The following ASH1L variants were observed in gnomAD, a reference collection of about 807,000 sequenced individuals.
ASH1L encodes the protein ASH1 like histone lysine methyltransferase.
ASH1L carries 23 observed loss-of-function variants against 269.0 expected under a neutral mutation model. That is an observed-to-expected ratio of 0.09 (90% confidence interval 0.06 to 0.12). ASH1L has a LOEUF of 0.12. ASH1L is among the 10% of genes least tolerant of loss of function. The pLI, the probability that ASH1L is intolerant of heterozygous loss-of-function variation, is 1.00. For synonymous variants in ASH1L, 1,187 were observed against 1,253.5 expected, an observed-to-expected ratio of 0.95 and a Z score of 1.12; for missense variants, 2,912 against 3,567.8, an observed-to-expected ratio of 0.82 and a Z score of 4.68.
intron 1 of ASH1L, among the ~76,000 whole-genome samples, chr1:155,544,291 T>C (rs982785841): frequency 3.8e-4 from 53 of 140,116 alleles, no homozygotes; most frequent in African/African-American, 8.8e-4. Flanking sequence ...AGAAACCCCC[T>C]TTTTTTTTTT....
At chr1:155,354,187 G>C (rs1483828488) in intron 16 of ASH1L, among the ~76,000 whole-genome samples, 2 of 152,246 alleles carry the variant, frequency 1.3e-5, no homozygotes, top group African/African-American at 4.8e-5. Context: ...CCAACACTTT[G>C]GGAGGCCAAG....
intron 25 of ASH1L, among the ~76,000 whole-genome samples, chr1:155,339,804 T>C (rs1652618601): frequency 6.6e-6 from 1 of 152,234 alleles, no homozygotes; most frequent in South Asian, 2.1e-4. Context: ...AGCACAATAC[T>C]GTACTGAATA....
At chr1:155,505,243 C>T (rs2148804216) in intron 2 of ASH1L, among the ~76,000 whole-genome samples, 1 of 152,226 alleles carries the variant, frequency 6.6e-6, no homozygotes, top group Non-Finnish European at 1.5e-5. Context: ...TTACTTTGTC[C>T]CAAAAGCCTT....
chr1:155,357,464 A>G (rs1654521331), intron 14 of ASH1L, 54 bp from the exon 15 acceptor site: 3 of 1,590,300 alleles, frequency 1.9e-6, no homozygotes, highest in Admixed American at 1.7e-5. Context: ...GTCAGAAATA[A>G]TCTCCAAGAA....
intron 5 of ASH1L, among the ~76,000 whole-genome samples, chr1:155,437,493 C>A (rs1325133561): frequency 6.6e-6 from 1 of 152,066 alleles, no homozygotes; most frequent in Non-Finnish European, 1.5e-5. Flanking sequence ...TGCATTGTAA[C>A]TGAAATCTTT....
At position 155,479,414 on chromosome 1, in the gene ASH1L, C is replaced by A; in HGVS notation, c.3456G>T (p.Lys1152Asn). ...ACCGCCTCCTCCCCTTTGAGGCCTT[C>A]TTCATTGCAAGAGTCTGAATCATAC... ...QGSMIQTLAM[K>N]KASKGRRRLS... Residue 1152 changes from lysine to asparagine, a missense_variant, in exon 3 of 28, where the codon AAG becomes AAT. This residue lies in a region of ASH1L where 157 missense variants were observed against 154.6 expected (regional missense o/e 1.02). Transcript: ENST00000392403. 1 of 1,614,144 alleles carries A rather than the reference C, an allele frequency of 6.2e-7. No homozygotes were observed. The highest frequency in any genetic ancestry group is 8.5e-7 in the Non-Finnish European group (1 of 1,180,014).
rs1402868521 is a variant in ASH1L at position 155,372,516 on chromosome 1, C to T, written c.6333-1533G>A. On this transcript the variant is annotated intron_variant, in intron 10 of 27. Coordinates refer to ENST00000392403, the MANE Select transcript of ASH1L (RefSeq NM_018489.3). Reference sequence around the variant, plus strand: ...TAGAGACGAGGTTTTGCCATGTTGGCCAGGCTGGTCTCGAACTCCTGGCCT... The same window carrying T: ...TAGAGACGAGGTTTTGCCATGTTGGTCAGGCTGGTCTCGAACTCCTGGCCT... 3.9e-5 allele frequency among the ~76,000 whole-genome samples: 6 copies of T among 152,022 alleles called. No homozygotes were observed. In the East Asian group the frequency reaches 1.2e-3, roughly 29 times the overall value.
In ASH1L at chr1:155,346,377, G is replaced by T; in HGVS notation, c.7890+6C>A. 1 of 1,613,524 alleles carries T rather than the reference G, an allele frequency of 6.2e-7. No individual in the cohort carries two copies. Among genetic ancestry groups the T allele is most frequent in the African/African-American group, 1.3e-5 (1 of 75,018 alleles). The stretch of plus-strand genomic sequence containing the variant: ...AGATCAGAGTTTTATCAGAGGTTCA[G>T]CTTACCCTGTCCACAGGCCTTGGGT... On this transcript the variant is annotated splice_donor_region_variant and intron_variant, in intron 21 of 27. Transcript: ENST00000392403.
chr1:155,476,512 C>T (rs999393775), intron 3 of ASH1L, among the ~76,000 whole-genome samples: 8 of 151,796 alleles, frequency 5.3e-5, no homozygotes, highest in South Asian at 4.2e-4. Flanking sequence ...TCTTTGTATT[C>T]GAGGGGTTTA....
At chr1:155,451,744 G>A (rs572176848) in intron 4 of ASH1L, among the ~76,000 whole-genome samples, 4 of 152,144 alleles carry the variant, frequency 2.6e-5, no homozygotes, top group Non-Finnish European at 5.9e-5. Context: ...AAAAGAAATG[G>A]GGAGTCTAGC....
chr1:155,487,901 T>A (rs1307776007), intron 2 of ASH1L, among the ~76,000 whole-genome samples: 2 of 152,004 alleles, frequency 1.3e-5, no homozygotes, highest in African/African-American at 2.4e-5. Context: ...TTTTTTTTTT[T>A]TTTTGAAATG....
intron 1 of ASH1L, among the ~76,000 whole-genome samples, chr1:155,557,057 T>C (rs897194937): frequency 4.0e-5 from 6 of 151,768 alleles, no homozygotes; most frequent in Non-Finnish European, 7.4e-5. Context: ...TTTAATTAGA[T>C]GGAAAAAAGT....
intron 6 of ASH1L, among the ~76,000 whole-genome samples, chr1:155,397,499 G>GAA (rs757786971): frequency 4.8e-5 from 5 of 104,980 alleles, no homozygotes; most frequent in African/African-American, 7.1e-5. Flanking sequence ...CTCTGTCTCA[G>GAA]AAAAAAAAAA....
chr1:155,540,940 T>C (rs1571109766), intron 1 of ASH1L, among the ~76,000 whole-genome samples: 1 of 152,120 alleles, frequency 6.6e-6, no homozygotes, highest in East Asian at 1.9e-4. Context: ...ACTACTTCTC[T>C]TCCTTTCCAT....
In ASH1L at chr1:155,338,334, T is replaced by C. The variant is rs1450653784; in HGVS notation, c.8558A>G (p.Asp2853Gly). The C allele has an allele frequency of 1.9e-6, 3 of 1,614,058 alleles. No homozygotes were observed. Among genetic ancestry groups the C allele is most frequent in the Non-Finnish European group, 1.7e-6 (2 of 1,180,008 alleles). The change falls in exon 27 of 28, where the codon GAT becomes GGT. Residue 2853 changes from aspartate to glycine, a missense_variant. Transcript: ENST00000392403. ...CTCTTCAATCAAGGGTAGAGCATCATCCTCCTGGCCCAAGTCTTTTAGGGG... is the reference window on the plus strand; with the variant it reads ...CTCTTCAATCAAGGGTAGAGCATCACCCTCCTGGCCCAAGTCTTTTAGGGG... ...KPPLKDLGQE[D>G]DALPLIEEVL...
intron 2 of ASH1L, among the ~76,000 whole-genome samples, chr1:155,492,915 C>G (rs957885342): frequency 6.6e-6 from 1 of 152,026 alleles, no homozygotes; most frequent in Non-Finnish European, 1.5e-5. Flanking sequence ...TTTTGCCCCC[C>G]CAAGCTCTAG....
At chr1:155,473,508 T>C (rs1172097012) in intron 3 of ASH1L, among the ~76,000 whole-genome samples, 2 of 151,360 alleles carry the variant, frequency 1.3e-5, no homozygotes, top group African/African-American at 4.9e-5. Flanking sequence ...TTTTTTTTTT[T>C]TTGAGACAGA....
intron 5 of ASH1L, chr1:155,434,134 C>T: frequency 2.5e-6 from 4 of 1,594,702 alleles, no homozygotes; most frequent in African/African-American, 1.3e-5. Flanking sequence ...CCCCAGGGCC[C>T]CATTTTGGTA....
intron 2 of ASH1L, among the ~76,000 whole-genome samples, chr1:155,484,936 A>G (rs1666213488): frequency 7.2e-6 from 1 of 139,754 alleles, no homozygotes. Context: ...CTCAAAAAAA[A>G]AAAAAAACAA....
Sources: gnomAD v4.1 joint callset for allele counts (sites outside exome capture counted in the v4.1 genomes callset) on GRCh38, gnomAD v4.1.1 for gene constraint, gnomAD v4.1.1 regional missense constraint, MANE v1.5 for transcripts, NCBI Gene and HGNC (gene_info 2026-07-23, HGNC 2026-07-21) for gene names.